The following CD38 variants were observed in gnomAD, a reference collection of about 807,000 sequenced individuals.
CD38 encodes CD38 molecule.
A neutral mutation model predicts 36.3 loss-of-function variants in CD38; 31 were observed. That is an observed-to-expected ratio of 0.85 (90% CI 0.64 to 1.15). The LOEUF (loss-of-function observed/expected upper bound fraction) is 1.15, where lower values mean the gene tolerates loss of function less well. Ranked by LOEUF, CD38 falls within the 50% of genes most tolerant of loss-of-function variation. The probability of loss-of-function intolerance (pLI) is 0.00; values close to 1 mark genes in which losing one functional copy is unlikely to be tolerated. For missense variants in CD38, 380 were observed against 371.9 expected (o/e 1.02, Z -0.18); for synonymous variants, 131 against 135.2 (o/e 0.97, Z 0.22).
At chr4:15,820,270 G>A (rs1166106148) in intron 2 of CD38, among the ~76,000 whole-genome samples, 1 of 152,138 alleles carries the variant, frequency 6.6e-6, no homozygotes, top group East Asian at 1.9e-4. Flanking sequence ...ATGACACTAT[G>A]AAGCAACTAC....
intron 5 of CD38, among the ~76,000 whole-genome samples, chr4:15,838,763 C>T (rs796297477): frequency 3.9e-5 from 6 of 152,312 alleles, no homozygotes; most frequent in African/African-American, 1.2e-4. Context: ...TCAGGCAGGG[C>T]AGTCAACCTC....
chr4:15,840,460 GC>G lies in CD38; in HGVS notation c.763del (p.Gln255ArgfsTer5), dbSNP rs1724179265. On this transcript the variant is annotated frameshift_variant, in exon 7 of 8. Coordinates refer to ENST00000226279, the MANE Select transcript of CD38 (RefSeq NM_001775.4). LOFTEE classifies it high-confidence loss of function. ...HGGREDSRDL[C>X]QDPTIKELES... The stretch of plus-strand genomic sequence containing the variant: ...TCTTCTTTCTTCCCCAGAGACTTAT[GC>G]CAGGATCCCACCATAAAAGAGCTGG... The G allele has an allele frequency of 1.3e-6, 2 of 1,596,240 alleles. No individual in the cohort carries two copies. Among genetic ancestry groups the G allele is most frequent in the Non-Finnish European group, 1.7e-6 (2 of 1,166,320 alleles).
rs1722933626 is a variant in CD38 at position 15,790,168 on chromosome 4, TCCCCCTCCCC to T, written c.233+11523_233+11532del. ...CTCCCTCTCCCTCTCCCCCTCTCCC[TCCCCCTCCCC>T]CTCCCTCTCCCTCTCTCTCCACGGT... is the stretch of plus-strand genomic sequence containing the variant. On this transcript the variant is annotated intron_variant, in intron 1 of 7. Transcript: ENST00000226279. 3.4e-4 allele frequency among the ~76,000 whole-genome samples: 5 copies of T among 14,712 alleles called. No homozygotes were observed. The African/African-American group carries it at 4.0e-3, about 12-fold the overall frequency. 9.7% of individuals were successfully genotyped at this position (14,712 alleles called of 152,430 possible).
intron 2 of CD38, among the ~76,000 whole-genome samples, chr4:15,823,108 C>G (rs1038554825): frequency 6.6e-6 from 1 of 152,172 alleles, no homozygotes; most frequent in African/African-American, 2.4e-5. Context: ...ATAACTGGTG[C>G]TTGAGAACTA....
At chr4:15,813,902 T>G (rs917934089) in intron 1 of CD38, among the ~76,000 whole-genome samples, 130 of 152,346 alleles carry the variant, frequency 8.5e-4, no homozygotes, top group African/African-American at 2.9e-3. Flanking sequence ...AGTGCTCCAA[T>G]AAACATATGT....
At chr4:15,840,841 C>T (rs1171711142) in intron 7 of CD38, among the ~76,000 whole-genome samples, 1 of 152,112 alleles carries the variant, frequency 6.6e-6, no homozygotes, top group Non-Finnish European at 1.5e-5. Flanking sequence ...GTGTGAGTGG[C>T]CCAGTCCAGG....
chr4:15,829,583 G>A (rs1723919591), intron 3 of CD38, among the ~76,000 whole-genome samples: 1 of 152,152 alleles, frequency 6.6e-6, no homozygotes, highest in Non-Finnish European at 1.5e-5. Flanking sequence ...GCTGTCATGG[G>A]CTGCTTGAGA....
At chr4:15,781,753 G>A (rs1215994222) in intron 1 of CD38, among the ~76,000 whole-genome samples, 7 of 152,220 alleles carry the variant, frequency 4.6e-5, no homozygotes, top group Non-Finnish European at 7.3e-5. Context: ...ATGCCTGGGC[G>A]AATTGCCACT....
chr4:15,810,862 T>C (rs1176892365), intron 1 of CD38, among the ~76,000 whole-genome samples: 6 of 152,214 alleles, frequency 3.9e-5, no homozygotes, highest in African/African-American at 1.4e-4. Context: ...ATTAATTAAT[T>C]ACACCTGCAA....
intron 3 of CD38, among the ~76,000 whole-genome samples, chr4:15,827,239 A>G (rs1025156878): frequency 5.3e-5 from 8 of 152,142 alleles, no homozygotes; most frequent in Admixed American, 3.9e-4. Context: ...CTTAACTGCC[A>G]TGTTTTTCTG....
intron 1 of CD38, among the ~76,000 whole-genome samples, chr4:15,780,518 T>TCTCA (rs1553871750): frequency 2.9e-5 from 4 of 140,028 alleles, no homozygotes; most frequent in South Asian, 2.3e-4. Context: ...ATTCTCTCTC[T>TCTCA]CACACACACA....
At chr4:15,783,237 G>A (rs1300667945) in intron 1 of CD38, among the ~76,000 whole-genome samples, 1 of 152,142 alleles carries the variant, frequency 6.6e-6, no homozygotes, top group Non-Finnish European at 1.5e-5. Flanking sequence ...TAGTCAGGAC[G>A]GACCCAGGTG....
chr4:15,789,446 T>C (rs1722910210), intron 1 of CD38, among the ~76,000 whole-genome samples: 1 of 152,208 alleles, frequency 6.6e-6, no homozygotes, highest in Non-Finnish European at 1.5e-5. Flanking sequence ...CGAGTACATT[T>C]AAAAGTGGTT....
chr4:15,778,680 C>CT lies in CD38; in HGVS notation c.233+34dup. The CT allele has an allele frequency of 6.8e-7, 1 of 1,467,098 alleles. No individual in the cohort carries two copies. Among genetic ancestry groups the CT allele is most frequent in the South Asian group, 1.1e-5 (1 of 87,794 alleles). 90.9% of individuals were successfully genotyped at this position (1,467,098 alleles called of 1,614,324 possible). A position where few individuals can be genotyped will look rare whatever the true frequency, so the allele number is the denominator to read the frequency against. ...GGCGACTAAGGCGCACCGGTGGGCA[C>CT]TGCGGGGACAGCAGGGCCCCGCGCG... On this transcript the variant is annotated intron_variant, in intron 1 of 7. Transcript: ENST00000226279. The surrounding 1 kb of genome is among the most constrained non-coding windows in gnomAD (Gnocchi z 4.9).
rs563421964 is a variant in CD38, at chr4:15,788,079, T to C, written c.233+9432T>C. 2.6e-5 allele frequency among the ~76,000 whole-genome samples: 4 copies of C among 152,328 alleles called. No homozygotes were observed. In the East Asian group the frequency reaches 7.7e-4, roughly 29 times the overall value. ...CCTTCTGACCTTTCAAAAGGTCTTC[T>C]TCTTTCCCTATCGGTTCTCCCACTA... On this transcript the variant is annotated intron_variant, in intron 1 of 7. Transcript: ENST00000226279.
At chr4:15,829,507 C>T (rs996815756) in intron 3 of CD38, among the ~76,000 whole-genome samples, 3 of 151,956 alleles carry the variant, frequency 2.0e-5, no homozygotes, top group African/African-American at 7.3e-5. Flanking sequence ...GAAAAAAAAT[C>T]GCAAAAAATC....
chr4:15,802,557 CTTCAT>C (rs1723252690), intron 1 of CD38, among the ~76,000 whole-genome samples: 1 of 79,862 alleles, frequency 1.3e-5, no homozygotes, highest in Non-Finnish European at 3.2e-5. Context: ...TTTTATTTCA[CTTCAT>C]TTCATTTTAT....
At chr4:15,779,344 A>C (rs1034176511) in intron 1 of CD38, among the ~76,000 whole-genome samples, 4 of 152,026 alleles carry the variant, frequency 2.6e-5, no homozygotes, top group Admixed American at 6.5e-5. Context: ...CAAACCTTGG[A>C]AAAAAAACAC....
chr4:15,784,889 C>G (rs1211785335), intron 1 of CD38, among the ~76,000 whole-genome samples: 1 of 152,058 alleles, frequency 6.6e-6, no homozygotes, highest in African/African-American at 2.4e-5. Context: ...AACCCCGTCT[C>G]TACTAAAAAT....
Sources: gnomAD v4.1 joint callset for allele counts (sites outside exome capture counted in the v4.1 genomes callset) on GRCh38, gnomAD v4.1.1 for gene constraint, Gnocchi (gnomAD v3.1) non-coding constraint, MANE v1.5 for transcripts, NCBI Gene and HGNC (gene_info 2026-07-23, HGNC 2026-07-21) for gene names.